CLTC: variants seen among roughly 807,000 people sequenced by gnomAD.
CLTC encodes the protein clathrin heavy chain 1.
Under a neutral mutation model 195.8 loss-of-function variants are expected in CLTC, and 16 were observed. That is an observed-to-expected ratio of 0.08 (90% CI 0.06 to 0.12). CLTC has a LOEUF of 0.12. CLTC is among the 10% of genes least tolerant of loss of function. CLTC has a pLI of 1.00. For missense variants in CLTC, 796 were observed against 2,027.0 expected (o/e 0.39, Z 11.66); for synonymous variants, 667 against 689.4 (o/e 0.97, Z 0.51).
rs2032922459 is a variant in CLTC at position 59,674,491 on chromosome 17, T to C, written c.2419-210T>C. On this transcript the variant is annotated intron_variant, in intron 15 of 31. Coordinates refer to ENST00000269122, the MANE Select transcript of CLTC (RefSeq NM_004859.4). ...ATAGTATATGTGCTTTCAATACTTA[T>C]TAAACCATGAAGTCTTGTTTTTAGC... 5.7e-6 allele frequency: 3 copies of C among 523,940 alleles called. No homozygotes were observed. In the South Asian group the frequency reaches 7.9e-5, roughly 14 times the overall value. 32.5% of individuals were successfully genotyped at this position (523,940 alleles called of 1,614,324 possible). A position where few individuals can be genotyped will look rare whatever the true frequency, so the allele number is the denominator to read the frequency against.
intron 1 of CLTC, among the ~76,000 whole-genome samples, chr17:59,642,912 C>A (rs1469861594): frequency 6.6e-6 from 1 of 152,094 alleles, no homozygotes; most frequent in African/African-American, 2.4e-5. Context: ...GCCTTGTAGT[C>A]TTATGTTATA....
intron 6 of CLTC, 72 bp from the exon 7 acceptor site, chr17:59,660,319 T>A: frequency 7.4e-7 from 1 of 1,352,770 alleles, no homozygotes; most frequent in Non-Finnish European, 1.1e-6. Flanking sequence ...TATTAACCTG[T>A]TCTAAACAGA....
chr17:59,637,988 A>T (rs1435227350), intron 1 of CLTC, among the ~76,000 whole-genome samples: 4 of 148,826 alleles, frequency 2.7e-5, no homozygotes, highest in Non-Finnish European at 6.0e-5. Flanking sequence ...AACAAACTTT[A>T]AAAAAAAAAA....
At chr17:59,675,016 T>A (rs546127700) in intron 16 of CLTC, among the ~76,000 whole-genome samples, 173 bp downstream of exon 16, 5 of 152,182 alleles carry the variant, frequency 3.3e-5, no homozygotes, top group Non-Finnish European at 5.9e-5. Context: ...AAATCTGTTT[T>A]CTGAAACATT....
intron 6 of CLTC, among the ~76,000 whole-genome samples, chr17:59,656,719 G>A (rs140069592): frequency 2.2e-3 from 290 of 131,686 alleles, no homozygotes; most frequent in African/African-American, 7.6e-3. Context: ...TGTCACCCAG[G>A]TTAGAGTGCA....
chr17:59,695,715 G>A lies in CLTC; in HGVS notation c.*1863G>A, dbSNP rs189346881. On this transcript the variant is annotated 3_prime_UTR_variant, in exon 32 of 32. Coordinates refer to ENST00000269122, the MANE Select transcript of CLTC (RefSeq NM_004859.4). ...TTCATCCAGGACATTAAGTGAAAGT[G>A]TTTAATGTGAGTGCAGGTCAGTGAA... The A allele has an allele frequency of 4.1e-4, 79 of 192,450 alleles. No homozygotes were observed. Among genetic ancestry groups the A allele is most frequent in the Non-Finnish European group, 7.8e-4 (72 of 92,076 alleles). The allele number at this position is 192,450 out of a possible 1,614,324, so 11.9% of individuals were successfully genotyped here.
intron 5 of CLTC, among the ~76,000 whole-genome samples, chr17:59,652,262 A>G (rs1010596428): frequency 6.6e-6 from 1 of 152,162 alleles, no homozygotes; most frequent in African/African-American, 2.4e-5. Flanking sequence ...TAATGTTGAT[A>G]TTTTGACTTC....
chr17:59,686,565 T>G (rs1388903953), intron 30 of CLTC, among the ~76,000 whole-genome samples: 1 of 152,194 alleles, frequency 6.6e-6, no homozygotes, highest in African/African-American at 2.4e-5. Context: ...CCTCCCATAC[T>G]GAATTTTTCC....
chr17:59,693,638 G>T, intron 31 of CLTC, 90 bp from the exon 32 acceptor site: 1 of 1,407,488 alleles, frequency 7.1e-7, no homozygotes, highest in Non-Finnish European at 9.5e-7. Context: ...TGTTGCTAGA[G>T]TGGAGGAGAT....
intron 1 of CLTC, among the ~76,000 whole-genome samples, chr17:59,635,567 T>C (rs2031836616): frequency 6.6e-6 from 1 of 152,198 alleles, no homozygotes; most frequent in Non-Finnish European, 1.5e-5. Flanking sequence ...GCCTTGGTGC[T>C]AATGGAGAGT....
chr17:59,638,791 A>C (rs1215708610), intron 1 of CLTC, among the ~76,000 whole-genome samples: 1 of 152,124 alleles, frequency 6.6e-6, no homozygotes, highest in Non-Finnish European at 1.5e-5. Context: ...CCAGTTGCTA[A>C]CGGAATACTG....
At chr17:59,651,107 C>T in intron 4 of CLTC, 96 bp from the exon 5 acceptor site, 2 of 729,988 alleles carry the variant, frequency 2.7e-6, no homozygotes, top group South Asian at 1.8e-5. Flanking sequence ...TTCTGTAGAA[C>T]ATGTTGGTTG....
intron 6 of CLTC, among the ~76,000 whole-genome samples, chr17:59,657,937 G>A (rs746362200): frequency 5.3e-5 from 8 of 151,372 alleles, no homozygotes; most frequent in Admixed American, 2.0e-4. Context: ...AGTGTCTCAC[G>A]CCTGTAATCC....
intron 1 of CLTC, among the ~76,000 whole-genome samples, chr17:59,629,301 T>C (rs1451529652): frequency 6.6e-6 from 1 of 152,164 alleles, no homozygotes; most frequent in Non-Finnish European, 1.5e-5. Flanking sequence ...TCCATAGTAT[T>C]GTGTCCTCTC....
intron 1 of CLTC, among the ~76,000 whole-genome samples, chr17:59,643,507 C>T (rs924204855): frequency 1.1e-4 from 16 of 152,142 alleles, no homozygotes; most frequent in South Asian, 2.1e-4. Context: ...TAGCTCCCTT[C>T]GCCTGTAGAA....
Position 59,636,932 on chromosome 17 carries a change from CTT to C in CLTC, c.43-7324_43-7323del, listed in dbSNP as rs771908096. On this transcript the variant is annotated intron_variant, in intron 1 of 31. Transcript: ENST00000269122. ...TGCCCACCACCATGCCCGGCTAATT[CTT>C]TTTTTTTTTTTTTTTTTTTGTATTT... 3.7e-3 allele frequency among the ~76,000 whole-genome samples: 379 copies of C among 103,640 alleles called. 2 individuals are homozygous for C. The highest frequency in any genetic ancestry group is 0.016 in the Middle Eastern group (3 of 184). The allele number at this position is 103,640 out of a possible 152,430, so 68.0% of individuals were successfully genotyped here. A position where few individuals can be genotyped will look rare whatever the true frequency, so the allele number is the denominator to read the frequency against.
chr17:59,664,403 AG>A, intron 9 of CLTC, among the ~76,000 whole-genome samples: 1 of 152,058 alleles, frequency 6.6e-6, no homozygotes, highest in Non-Finnish European at 1.5e-5. Flanking sequence ...AATACAAAAA[AG>A]TAGCCAGGCG....
At chr17:59,691,399 C>T (rs1448710326) in intron 31 of CLTC, among the ~76,000 whole-genome samples, 1 of 151,816 alleles carries the variant, frequency 6.6e-6, no homozygotes, top group Non-Finnish European at 1.5e-5. Flanking sequence ...CTGAGGCGGG[C>T]GGATCACAAG....
intron 6 of CLTC, among the ~76,000 whole-genome samples, chr17:59,658,202 C>CA (rs889791148): frequency 3.4e-4 from 51 of 148,808 alleles, no homozygotes; most frequent in East Asian, 2.2e-3. Context: ...GACTCCGTCT[C>CA]AAAAAAAAAA....
Sources: gnomAD v4.1 joint callset for allele counts (sites outside exome capture counted in the v4.1 genomes callset) on GRCh38, gnomAD v4.1.1 for gene constraint, MANE v1.5 for transcripts, NCBI Gene and HGNC (gene_info 2026-07-23, HGNC 2026-07-21) for gene names.